The following BAAT variants were observed in gnomAD, a reference collection of about 807,000 sequenced individuals.
BAAT encodes the protein bile acid-CoA:amino acid N-acyltransferase.
A neutral mutation model predicts 18.9 loss-of-function variants in BAAT; 13 were observed. That is an observed-to-expected ratio of 0.69 (90% CI 0.45 to 1.10). The LOEUF is 1.10. BAAT is among the 50% of genes least tolerant of loss of function. The pLI, the probability that BAAT is intolerant of heterozygous loss-of-function variation, is 0.00. For synonymous variants in BAAT, 170 were observed against 190.7 expected (o/e 0.89, Z 0.89); for missense variants, 489 against 504.0 (o/e 0.97, Z 0.28).
At chr9:101,369,993 T>C (rs1057226382) in intron 2 of BAAT, among the ~76,000 whole-genome samples, 5 of 152,174 alleles carry the variant, frequency 3.3e-5, no homozygotes, top group African/African-American at 1.2e-4. Flanking sequence ...ATATGTAATA[T>C]TTATGAAGCT....
At chr9:101,368,005 T>C (rs920306461) in intron 3 of BAAT, 115 bp downstream of exon 3, 88 of 1,092,536 alleles carry the variant, frequency 8.1e-5, no homozygotes, top group Non-Finnish European at 1.1e-4. Flanking sequence ...AAGTGTCAGA[T>C]CATGCCACTG....
At chr9:101,365,707 T>C (rs1244865368) in intron 3 of BAAT, among the ~76,000 whole-genome samples, 1 of 152,054 alleles carries the variant, frequency 6.6e-6, no homozygotes, top group Non-Finnish European at 1.5e-5. Flanking sequence ...CTAATTTTTG[T>C]ATTTTTAGTA....
chr9:101,364,838 T>C (rs541439112), intron 3 of BAAT, among the ~76,000 whole-genome samples: 40 of 152,276 alleles, frequency 2.6e-4, no homozygotes, highest in African/African-American at 9.4e-4. Context: ...AGTCAGATCA[T>C]AGGAAGCTTT....
At position 101,368,363 on chromosome 9, in the gene BAAT, G is replaced by A. The variant is rs761487214; in HGVS notation, c.467-41C>T. The A allele has an allele frequency of 3.2e-6, 5 of 1,573,186 alleles. No homozygotes were observed. In the South Asian group the frequency reaches 4.6e-5, roughly 14 times the overall value. Reference sequence around the variant, plus strand: ...ACAGAATTGTACATGAAGAGAAGGTGTGGAAAAGATAAGAAAACTTGAAAA... The same window carrying A: ...ACAGAATTGTACATGAAGAGAAGGTATGGAAAAGATAAGAAAACTTGAAAA... On this transcript the variant is annotated intron_variant, in intron 2 of 3. Coordinates refer to ENST00000259407, the MANE Select transcript of BAAT (RefSeq NM_001701.4).
At chr9:101,380,017 G>GCAATTGTA (rs1170963491) in intron 1 of BAAT, among the ~76,000 whole-genome samples, 5 of 152,152 alleles carry the variant, frequency 3.3e-5, no homozygotes, top group Admixed American at 2.6e-4. Context: ...CCAGTGCACT[G>GCAATTGTA]CTGCTAAAGC....
chr9:101,371,948 G>A (rs1758231147), intron 1 of BAAT, among the ~76,000 whole-genome samples: 2 of 152,050 alleles, frequency 1.3e-5, no homozygotes, highest in Admixed American at 1.3e-4. Context: ...AAAATAGAGG[G>A]ATCATGGAAT....
At position 101,371,155 on chromosome 9, in the gene BAAT, G is replaced by T. The variant is rs369808582; in HGVS notation, c.250C>A (p.Pro84Thr). The T allele has an allele frequency of 1.2e-6, 2 of 1,614,100 alleles. No individual in the cohort carries two copies. The highest frequency in any genetic ancestry group is 1.7e-6 in the Non-Finnish European group (2 of 1,180,006). Reference protein sequence around the residue: ...HPMGLFWSLKPEKLLTRLLKR... With the variant: ...HPMGLFWSLKTEKLLTRLLKR... ...AACAGTCTTGTTAATAGCTTTTCAG[G>T]TTTCAGAGACCAGAAGAGACCCATG... is the stretch of plus-strand genomic sequence containing the variant. Residue 84 changes from proline (P) to threonine (T), a missense_variant, in exon 2 of 4, where the codon CCT becomes ACT. Coordinates refer to ENST00000259407, the MANE Select transcript of BAAT (RefSeq NM_001701.4).
At chr9:101,369,094 G>T (rs924292959) in intron 2 of BAAT, among the ~76,000 whole-genome samples, 1 of 152,200 alleles carries the variant, frequency 6.6e-6, no homozygotes, top group Non-Finnish European at 1.5e-5. Flanking sequence ...ACTCTGTATA[G>T]GCAGCTTTTT....
Position 101,362,369 on chromosome 9 carries a change from T to G in BAAT, c.*59A>C. On this transcript the variant is annotated 3_prime_UTR_variant, in exon 4 of 4. Coordinates refer to ENST00000259407, the MANE Select transcript of BAAT (RefSeq NM_001701.4). ...GGGGGAGACATTCCGCCATGAAAAT[T>G]GAGAGAAGGTCCCGGTAAAGAGATT... 1.3e-5 allele frequency: 20 copies of G among 1,546,960 alleles called. No homozygotes were observed. Among genetic ancestry groups the G allele is most frequent in the East Asian group, 2.3e-5 (1 of 44,380 alleles).
chr9:101,361,350 G>C lies in BAAT; in HGVS notation c.*1078C>G, dbSNP rs1829719270. Reference sequence around the variant, plus strand: ...AAAATGTGGTACATGCTAGATGGTAGTTATGTTGCTATGAGGACTATATGA... The same window carrying C: ...AAAATGTGGTACATGCTAGATGGTACTTATGTTGCTATGAGGACTATATGA... On this transcript the variant is annotated 3_prime_UTR_variant, in exon 4 of 4. Transcript: ENST00000259407. The C allele has an allele frequency of 6.5e-6, 1 of 152,718 alleles. No homozygotes were observed. The highest frequency in any genetic ancestry group is 2.1e-4 in the South Asian group (1 of 4,824). 9.5% of individuals were successfully genotyped at this position (152,718 alleles called of 1,614,324 possible). A position where few individuals can be genotyped will look rare whatever the true frequency, so the allele number is the denominator to read the frequency against.
chr9:101,362,868 G>C lies in BAAT; in HGVS notation c.817C>G (p.Gln273Glu). Reference sequence around the variant, plus strand: ...GAATGGGGAAGGGGCTGATGGATCTGACCATGATATACCTGTGGAATGCCA... The same window carrying C: ...GAATGGGGAAGGGGCTGATGGATCTCACCATGATATACCTGTGGAATGCCA... ...PFGIPQVYHG[Q>E]IHQPLPHSAQ... Residue 273 changes from glutamine (Q) to glutamate (E), a missense_variant, in exon 4 of 4, where the codon CAG becomes GAG. Gln to Glu is a conservative substitution (Grantham distance 29, BLOSUM62 2). Transcript: ENST00000259407. The C allele has an allele frequency of 1.9e-6, 3 of 1,614,086 alleles. No individual in the cohort carries two copies. Among genetic ancestry groups the C allele is most frequent in the Non-Finnish European group, 2.5e-6 (3 of 1,180,032 alleles).
At position 101,365,503 on chromosome 9, in the gene BAAT, T is replaced by G. The variant is rs950774384; in HGVS notation, c.670-2488A>C. ...TCCTTTCAAGCTCTGAAATTCTGTA[T>G]TTTTTTAATTTTAATTTTAATTTAT... is the stretch of plus-strand genomic sequence containing the variant. On this transcript the variant is annotated intron_variant, in intron 3 of 3. Coordinates refer to ENST00000259407, the MANE Select transcript of BAAT (RefSeq NM_001701.4). Among the ~76,000 whole-genome samples the G allele has an allele frequency of 1.6e-4, 24 of 152,124 alleles. No individual in the cohort carries two copies. In the East Asian group the frequency reaches 4.6e-3, roughly 29 times the overall value.
At chr9:101,363,054 T>C in intron 3 of BAAT, 39 bp from the exon 4 acceptor site, 1 of 1,579,842 alleles carries the variant, frequency 6.3e-7, no homozygotes, top group East Asian at 2.2e-5. Flanking sequence ...ATTCTAGCCT[T>C]CATTTAGGAA....
chr9:101,360,907 CT>C lies in BAAT; in HGVS notation c.*1520del. 1 of 157,330 alleles carries C rather than the reference CT, an allele frequency of 6.4e-6. No homozygotes were observed. 9.7% of individuals were successfully genotyped at this position (157,330 alleles called of 1,614,324 possible). A position where few individuals can be genotyped will look rare whatever the true frequency, so the allele number is the denominator to read the frequency against. The stretch of plus-strand genomic sequence containing the variant: ...CAGGAGTGAGATCATTTAGCTGTGA[CT>C]TTTTACACTTGGAGAAAACATGTAA... On this transcript the variant is annotated 3_prime_UTR_variant, in exon 4 of 4. Coordinates refer to ENST00000259407, the MANE Select transcript of BAAT (RefSeq NM_001701.4).
chr9:101,374,542 C>A (rs1328528675), intron 1 of BAAT, among the ~76,000 whole-genome samples: 1 of 152,098 alleles, frequency 6.6e-6, no homozygotes, highest in Non-Finnish European at 1.5e-5. Context: ...GACAAGGCAA[C>A]TGTATTTACT....
chr9:101,371,232 A>G lies in BAAT; in HGVS notation c.173T>C (p.Val58Ala). The G allele has an allele frequency of 6.2e-7, 1 of 1,613,298 alleles. No homozygotes were observed. Among genetic ancestry groups the G allele is most frequent in the Non-Finnish European group, 8.5e-7 (1 of 1,179,352 alleles). ...AAGTGAAGAAGCATGATTCAGGTCCACCTCACCGAATTCATTGGCCCTATA... is the reference window on the plus strand; with the variant it reads ...AAGTGAAGAAGCATGATTCAGGTCCGCCTCACCGAATTCATTGGCCCTATA... The part of the protein sequence containing the change: ...AHYRANEFGE[V>A]DLNHASSLGG... The change falls in exon 2 of 4, where the codon GTG (valine) becomes GCG (alanine). Residue 58 changes from valine to alanine, a missense_variant. Transcript: ENST00000259407.
intron 3 of BAAT, among the ~76,000 whole-genome samples, chr9:101,365,961 C>G (rs1300646204): frequency 3.9e-5 from 6 of 152,140 alleles, no homozygotes; most frequent in African/African-American, 1.4e-4. Flanking sequence ...ACCTCACAAA[C>G]TTACCATTTC....
chr9:101,360,542 A>G lies in BAAT; in HGVS notation c.*1886T>C, dbSNP rs10123392. On this transcript the variant is annotated 3_prime_UTR_variant, in exon 4 of 4. Coordinates refer to ENST00000259407, the MANE Select transcript of BAAT (RefSeq NM_001701.4). The stretch of plus-strand genomic sequence containing the variant: ...TTTACAATCATGGCAGCAGGTGAAC[A>G]GCGAGGAGGCATCTCACATGGCGAG... The G allele has an allele frequency of 0.18, 27,302 of 152,266 alleles. 2,889 individuals are homozygous for G. The highest frequency in any genetic ancestry group is 0.29 in the African/African-American group (11,923 of 41,466). The allele number at this position is 152,266 out of a possible 1,614,324, so 9.4% of individuals were successfully genotyped here.
At chr9:101,365,823 T>TG in intron 3 of BAAT, among the ~76,000 whole-genome samples, 1 of 152,258 alleles carries the variant, frequency 6.6e-6, no homozygotes, top group African/African-American at 2.4e-5. Flanking sequence ...CATGAGCCAC[T>TG]GTGCCTGGCC....
Sources: allele counts gnomAD v4.1 joint callset (sites outside exome capture counted in the v4.1 genomes callset), GRCh38; gene constraint gnomAD v4.1.1; transcripts MANE v1.5; gene names NCBI Gene and HGNC (gene_info 2026-07-23, HGNC 2026-07-21).